Variants in HDAC8 observed in about 807,000 individuals in gnomAD.
HDAC8 encodes histone deacetylase-like 1.
Under a neutral mutation model 32.2 loss-of-function variants are expected in HDAC8, and 1 was observed. The ratio of observed to expected loss-of-function variants is 0.03; its 90% CI spans 0.01 to 0.15. The LOEUF is 0.15. Ranked by LOEUF, HDAC8 falls within the 10% of genes least tolerant of loss-of-function variation. The pLI is 1.00. For missense variants in HDAC8, 117 were observed against 300.0 expected (o/e 0.39, Z 4.51); for synonymous variants, 108 against 113.9 (o/e 0.95, Z 0.33).
intron 9 of HDAC8, among the ~76,000 whole-genome samples, chrX:72,404,996 G>T (rs2045999838): frequency 9.1e-6 from 1 of 110,485 alleles, no homozygotes; most frequent in Non-Finnish European, 1.9e-5. Context: ...TTAAGTTCAG[G>T]GTACAAGTGC....
At chrX:72,488,196 G>C (rs1301584510) in intron 7 of HDAC8, among the ~76,000 whole-genome samples, 3 of 111,644 alleles carry the variant, frequency 2.7e-5, no homozygotes, top group Non-Finnish European at 5.6e-5. Flanking sequence ...GGAGAAATAC[G>C]AGCTAAGTTG....
intron 9 of HDAC8, among the ~76,000 whole-genome samples, chrX:72,399,302 G>A (rs1165933433): frequency 9.0e-6 from 1 of 111,653 alleles, no homozygotes; most frequent in African/African-American, 3.3e-5. Context: ...ATAGGTATAG[G>A]TCTATTTTCA....
intron 4 of HDAC8, among the ~76,000 whole-genome samples, chrX:72,495,729 T>C (rs954489525): frequency 8.9e-6 from 1 of 111,950 alleles, no homozygotes; most frequent in Admixed American, 9.5e-5. Flanking sequence ...GTACTGACCC[T>C]ATGACACAAA....
intron 9 of HDAC8, among the ~76,000 whole-genome samples, chrX:72,429,022 TC>T (rs67396088): frequency 0.15 from 15,066 of 100,491 alleles, 1,214 homozygotes; most frequent in Admixed American, 0.22. Context: ...TTTCTTTCTT[TC>T]TTTTTTTTTT....
intron 4 of HDAC8, among the ~76,000 whole-genome samples, chrX:72,564,983 T>C (rs1259031815): frequency 1.8e-5 from 2 of 112,415 alleles, no homozygotes; most frequent in Admixed American, 1.9e-4. Flanking sequence ...CCAAGAATAT[T>C]GTTACTGGCC....
At chrX:72,384,676 T>A (rs2045368852) in intron 9 of HDAC8, among the ~76,000 whole-genome samples, 1 of 112,194 alleles carries the variant, frequency 8.9e-6, no homozygotes, top group South Asian at 3.7e-4. Context: ...TTTAAAACCA[T>A]TGTATTGAAA....
At chrX:72,492,142 T>C (rs983382997) in intron 5 of HDAC8, among the ~76,000 whole-genome samples, 1 of 111,849 alleles carries the variant, frequency 8.9e-6, no homozygotes, top group Non-Finnish European at 1.9e-5. Context: ...AACTTAGAAA[T>C]GAAGTCTTAA....
intron 4 of HDAC8, among the ~76,000 whole-genome samples, chrX:72,545,223 T>C (rs1474334569): frequency 8.9e-6 from 1 of 111,847 alleles, no homozygotes; most frequent in East Asian, 2.8e-4. Context: ...GAATGGCATA[T>C]GGACAAAGGG....
At chrX:72,408,849 C>T (rs1463097602) in intron 9 of HDAC8, among the ~76,000 whole-genome samples, 3 of 111,662 alleles carry the variant, frequency 2.7e-5, no homozygotes, top group African/African-American at 9.8e-5. Flanking sequence ...GTGATAGGAG[C>T]CAGATCATGT....
At chrX:72,407,192 C>T (rs189076972) in intron 9 of HDAC8, among the ~76,000 whole-genome samples, 1 of 112,525 alleles carries the variant, frequency 8.9e-6, no homozygotes, top group African/African-American at 3.2e-5. Context: ...CTTGGGCGAG[C>T]TCAATGTAAT....
chrX:72,411,649 G>A (rs186025622), intron 9 of HDAC8, among the ~76,000 whole-genome samples: 1 of 112,239 alleles, frequency 8.9e-6, no homozygotes, highest in Non-Finnish European at 1.9e-5. Context: ...GAATGAAAAG[G>A]GCAATGGATG....
chrX:72,449,779 A>AT (rs781904564), intron 9 of HDAC8, among the ~76,000 whole-genome samples: 1 of 111,707 alleles, frequency 9.0e-6, no homozygotes, highest in Non-Finnish European at 1.9e-5. Context: ...ATATAGGGAC[A>AT]TTTTTTAAAG....
chrX:72,523,964 G>C (rs1188482785), intron 4 of HDAC8, among the ~76,000 whole-genome samples: 3 of 111,510 alleles, frequency 2.7e-5, no homozygotes, highest in Non-Finnish European at 3.8e-5. Context: ...TACACATCAG[G>C]GGTAGGCAAA....
At chrX:72,366,094 C>T (rs1555954245) in intron 9 of HDAC8, among the ~76,000 whole-genome samples, 1 of 112,262 alleles carries the variant, frequency 8.9e-6, no homozygotes, top group Non-Finnish European at 1.9e-5. Flanking sequence ...CAAGGAGCTC[C>T]TGCAATCCAG....
At chrX:72,355,798 T>C (rs1452409004) in intron 9 of HDAC8, among the ~76,000 whole-genome samples, 2 of 111,962 alleles carry the variant, frequency 1.8e-5, no homozygotes, top group Non-Finnish European at 3.8e-5. Flanking sequence ...CATAATCATG[T>C]TTGATTAGAG....
intron 9 of HDAC8, among the ~76,000 whole-genome samples, chrX:72,453,989 C>A (rs1329559475): frequency 1.8e-5 from 2 of 111,783 alleles, no homozygotes; most frequent in Non-Finnish European, 3.8e-5. Flanking sequence ...CTTTTTCAGA[C>A]AAACAAAAGC....
chrX:72,405,281 C>T lies in HDAC8; in HGVS notation c.1006-53443G>A, dbSNP rs782661563. On this transcript the variant is annotated intron_variant, in intron 9 of 10. Transcript: ENST00000373573. ...TTGCTAAGGATAATGGCTTCCAGCT[C>T]CATCCATGTCCCTGCAAAGGGCATG... 5.4e-4 allele frequency among the ~76,000 whole-genome samples: 60 copies of T among 112,129 alleles called. 1 individual carries two copies. Among genetic ancestry groups the T allele is most frequent in the Non-Finnish European group, 8.6e-4 (46 of 53,256 alleles).
chrX:72,501,416 AAC>A (rs782768404), intron 4 of HDAC8, among the ~76,000 whole-genome samples: 18 of 111,980 alleles, frequency 1.6e-4, no homozygotes, highest in African/African-American at 4.9e-4. Flanking sequence ...CTGGTACAAA[AAC>A]AGATACATAG....
intron 4 of HDAC8, among the ~76,000 whole-genome samples, chrX:72,537,143 C>CA (rs1556039917): frequency 8.9e-6 from 1 of 112,021 alleles, no homozygotes; most frequent in Non-Finnish European, 1.9e-5. Context: ...GTTTTGGCCT[C>CA]ATTAGCACTA....
Sources: gnomAD v4.1 joint callset for allele counts (sites outside exome capture counted in the v4.1 genomes callset) on GRCh38, gnomAD v4.1.1 for gene constraint, MANE v1.5 for transcripts, NCBI Gene and HGNC (gene_info 2026-07-23, HGNC 2026-07-21) for gene names.